Variants in NKAIN2 observed in about 807,000 individuals in gnomAD.
The protein encoded by NKAIN2 is sodium/potassium transporting ATPase interacting 2.
Under a neutral mutation model 32.6 loss-of-function variants are expected in NKAIN2, and 14 were observed. The observed-to-expected ratio is 0.43, with a 90% CI of 0.28 to 0.67. The LOEUF is 0.67. Among genes scored for constraint, NKAIN2 ranks in the 30% least tolerant of loss-of-function variants. The pLI is 0.17. For synonymous variants in NKAIN2, 80 were observed against 87.2 expected (o/e 0.92, Z 0.46); for missense variants, 198 against 258.3 (o/e 0.77, Z 1.60).
chr6:124,282,012 TCCCC>T (rs1186606824), intron 1 of NKAIN2, among the ~76,000 whole-genome samples: 2 of 152,084 alleles, frequency 1.3e-5, no homozygotes, highest in African/African-American at 4.8e-5. Flanking sequence ...TTTATTATCA[TCCCC>T]CCTGAGGGCA....
chr6:124,802,465 G>A (rs1346297765), intron 5 of NKAIN2, among the ~76,000 whole-genome samples: 1 of 152,190 alleles, frequency 6.6e-6, no homozygotes, highest in African/African-American at 2.4e-5. Flanking sequence ...ATGGCACAAA[G>A]TGAGCCCAGG....
At chr6:124,633,916 CCCAGCAAAGATATGCCACAGCCT>C (rs556423099) in intron 3 of NKAIN2, among the ~76,000 whole-genome samples, 10 of 152,080 alleles carry the variant, frequency 6.6e-5, no homozygotes, top group Admixed American at 2.0e-4. Flanking sequence ...GCAACGCTTC[CCCAGCAAAGATATGCCACAGCCT>C]CCACAAACAG....
chr6:124,092,649 T>C (rs1784484236), intron 1 of NKAIN2, among the ~76,000 whole-genome samples: 3 of 151,814 alleles, frequency 2.0e-5, no homozygotes. Context: ...TTGGTTTCAG[T>C]TTTTTTTCTT....
intron 3 of NKAIN2, among the ~76,000 whole-genome samples, chr6:124,428,642 G>A (rs1346255902): frequency 6.6e-6 from 1 of 152,112 alleles, no homozygotes; most frequent in Non-Finnish European, 1.5e-5. Flanking sequence ...TCATTCAGAA[G>A]CTATTCTCAG....
intron 1 of NKAIN2, among the ~76,000 whole-genome samples, chr6:124,224,218 C>T (rs1791989713): frequency 6.6e-6 from 1 of 152,112 alleles, no homozygotes; most frequent in African/African-American, 2.4e-5. Flanking sequence ...TGCACATACA[C>T]ACATACATAT....
intron 3 of NKAIN2, among the ~76,000 whole-genome samples, chr6:124,640,323 T>C (rs1243157633): frequency 6.6e-6 from 1 of 152,206 alleles, no homozygotes; most frequent in Non-Finnish European, 1.5e-5. Flanking sequence ...TGTGCCTTCA[T>C]GCTAATTAAA....
intron 2 of NKAIN2, among the ~76,000 whole-genome samples, chr6:124,321,461 A>G (rs1053397088): frequency 6.6e-6 from 1 of 152,192 alleles, no homozygotes; most frequent in Non-Finnish European, 1.5e-5. Flanking sequence ...CAGAACTTAA[A>G]GTATAATAAA....
At chr6:124,041,365 G>A (rs1352320750) in intron 1 of NKAIN2, among the ~76,000 whole-genome samples, 1 of 152,010 alleles carries the variant, frequency 6.6e-6, no homozygotes, top group African/African-American at 2.4e-5. Context: ...CTGTGTTGGA[G>A]AGGCAGAAAT....
At chr6:124,166,687 T>C (rs1463018922) in intron 1 of NKAIN2, among the ~76,000 whole-genome samples, 5 of 151,936 alleles carry the variant, frequency 3.3e-5, no homozygotes, top group African/African-American at 1.2e-4. Flanking sequence ...CTTGAATTAA[T>C]TTTTGTATAA....
chr6:124,409,242 T>C (rs1360042790), intron 3 of NKAIN2, among the ~76,000 whole-genome samples: 1 of 152,050 alleles, frequency 6.6e-6, no homozygotes, highest in Non-Finnish European at 1.5e-5. Flanking sequence ...TGAATAGGAG[T>C]GGCGAGAGAG....
At position 124,476,061 on chromosome 6, in the gene NKAIN2, A is replaced by AGTGTGTGT. The variant is rs1439410249; in HGVS notation, c.273+120715_273+120716insTGTGTGTG. 1.2e-3 allele frequency among the ~76,000 whole-genome samples: 99 copies of AGTGTGTGT among 85,704 alleles called. 1 individual carries two copies. The highest frequency in any genetic ancestry group is 6.0e-3 in the Middle Eastern group (1 of 166). The allele number at this position is 85,704 out of a possible 152,430, so 56.2% of individuals were successfully genotyped here. A position where few individuals can be genotyped will look rare whatever the true frequency, so the allele number is the denominator to read the frequency against. On this transcript the variant is annotated intron_variant, in intron 3 of 6. Transcript: ENST00000368417. ...GAGTGTGTGTGTGAGAGAGAGAGAG[A>AGTGTGTGT]GAGAGTGTGTGTGTGTGTGTGTGTG... is the stretch of plus-strand genomic sequence containing the variant.
At chr6:124,228,274 A>G (rs1303657610) in intron 1 of NKAIN2, among the ~76,000 whole-genome samples, 1 of 152,148 alleles carries the variant, frequency 6.6e-6, no homozygotes, top group Non-Finnish European at 1.5e-5. Flanking sequence ...TAGTGCTCTT[A>G]TAGGAAGAGA....
intron 3 of NKAIN2, among the ~76,000 whole-genome samples, chr6:124,491,094 T>C (rs906768088): frequency 6.6e-6 from 1 of 152,016 alleles, no homozygotes; most frequent in East Asian, 1.9e-4. Context: ...AAAATAGATA[T>C]CATTTTTAAG....
chr6:124,552,295 A>G (rs147275432), intron 3 of NKAIN2, among the ~76,000 whole-genome samples: 38 of 152,354 alleles, frequency 2.5e-4, no homozygotes, highest in African/African-American at 8.4e-4. Flanking sequence ...CAGGGATAGA[A>G]GATGGCTTGC....
At chr6:124,141,627 A>G (rs562794836) in intron 1 of NKAIN2, among the ~76,000 whole-genome samples, 7 of 151,914 alleles carry the variant, frequency 4.6e-5, no homozygotes, top group Non-Finnish European at 8.8e-5. Context: ...TTCTGGGTTC[A>G]GGAGTTTTGC....
intron 3 of NKAIN2, among the ~76,000 whole-genome samples, chr6:124,479,852 A>G (rs1336769): frequency 0.45 from 68,438 of 151,936 alleles, 16,335 homozygotes; most frequent in South Asian, 0.61. Context: ...ACAAACAATA[A>G]CAACAAAAAA....
At chr6:124,014,785 A>T (rs1453820052) in intron 1 of NKAIN2, among the ~76,000 whole-genome samples, 2 of 152,176 alleles carry the variant, frequency 1.3e-5, no homozygotes, top group African/African-American at 4.8e-5. Context: ...TATTTACATT[A>T]AAAGTTTTAG....
chr6:124,207,321 C>T (rs1409121917), intron 1 of NKAIN2, among the ~76,000 whole-genome samples: 2 of 151,212 alleles, frequency 1.3e-5, no homozygotes, highest in African/African-American at 4.9e-5. Context: ...TAATAATAAT[C>T]GGGAACTTAA....
chr6:124,685,047 T>C (rs993987351), intron 4 of NKAIN2, among the ~76,000 whole-genome samples: 5 of 152,162 alleles, frequency 3.3e-5, no homozygotes, highest in Non-Finnish European at 5.9e-5. Flanking sequence ...TATTGGGGTC[T>C]CACAGAAATA....
Sources: gnomAD v4.1 joint callset for allele counts (sites outside exome capture counted in the v4.1 genomes callset) on GRCh38, gnomAD v4.1.1 for gene constraint, MANE v1.5 for transcripts, NCBI Gene and HGNC (gene_info 2026-07-23, HGNC 2026-07-21) for gene names.